Variants in INPP5B observed in about 807,000 individuals in gnomAD.
INPP5B encodes inositol polyphosphate-5-phosphatase B.
A neutral mutation model predicts 118.5 loss-of-function variants in INPP5B; 90 were observed. The ratio of observed to expected loss-of-function variants is 0.76; its 90% CI spans 0.64 to 0.90. INPP5B has a LOEUF of 0.90. INPP5B is among the 40% of genes least tolerant of loss of function. The pLI, the probability that INPP5B is intolerant of heterozygous loss-of-function variation, is 0.00. For synonymous variants in INPP5B, 385 were observed against 418.9 expected, an observed-to-expected ratio of 0.92 and a Z score of 0.99; for missense variants, 984 against 1,125.6, an observed-to-expected ratio of 0.87 and a Z score of 1.80.
chr1:37,937,665 G>A (rs1305365648), intron 6 of INPP5B, among the ~76,000 whole-genome samples: 6 of 151,982 alleles, frequency 3.9e-5, no homozygotes, highest in East Asian at 1.9e-4. Context: ...TACTCGGGAC[G>A]CTGAGGCAGG....
rs1317681560 is a variant in INPP5B, at chr1:37,874,063, G to C, written c.1881C>G (p.Asn627Lys). The change falls in exon 18 of 24, where the codon AAC becomes AAG. Residue 627 changes from asparagine (N) to lysine (K), a missense_variant. By Grantham distance (94) the Asn-to-Lys change is moderately conservative (BLOSUM62 0). This residue lies in a region of INPP5B where 634 missense variants were observed against 791.0 expected (regional missense o/e 0.80). Coordinates refer to ENST00000373024, the MANE Select transcript of INPP5B (RefSeq NM_005540.3). ...TACAGTAAGACTCTTCATCAGGCTT[G>C]TTGATGAATTCAAAATGACAGGGTA... The part of the protein sequence containing the change: ...GQVPCHFEFI[N>K]KPDEESYCKQ... 2 of 1,608,086 alleles carry C rather than the reference G, an allele frequency of 1.2e-6. No homozygotes were observed. The highest frequency in any genetic ancestry group is 1.7e-5 in the Admixed American group (1 of 59,910).
In INPP5B at chr1:37,891,383, C is replaced by G; in HGVS notation, c.604G>C (p.Asp202His). 6.2e-7 allele frequency: 1 copy of G among 1,614,078 alleles called. No individual in the cohort carries two copies. The highest frequency in any genetic ancestry group is 8.5e-7 in the Non-Finnish European group (1 of 1,179,944). Residue 202 changes from aspartate to histidine, a missense_variant, in exon 8 of 24, where the codon GAT (aspartate) becomes CAT (histidine). Physicochemically the swap from Asp to His is moderately conservative, Grantham distance 81. Around this residue, in one of 2 missense-constraint regions of INPP5B, gnomAD observed 350 missense variants for 334.6 expected, o/e 1.05. Transcript: ENST00000373024. ...CTTGGTTGCAAGCTTTCTGGTTTAT[C>G]TTGACCCCTGGAGCTTTGGTCCATA... Reference protein sequence around the residue: ...VPMDQSSRGQDKPESLQPRQN... With the variant: ...VPMDQSSRGQHKPESLQPRQN...
chr1:37,880,308 C>A, intron 14 of INPP5B, 114 bp from the exon 15 acceptor site: 1 of 736,722 alleles, frequency 1.4e-6, no homozygotes, highest in East Asian at 2.6e-5. Context: ...GGAAAAAGCC[C>A]CAAAAGAAAG....
Position 37,941,217 on chromosome 1 carries a change from C to T in INPP5B, c.281-419G>A, listed in dbSNP as rs1005647748. Among the ~76,000 whole-genome samples the T allele has an allele frequency of 4.6e-5, 7 of 152,102 alleles. No homozygotes were observed. In the East Asian group the frequency reaches 5.8e-4, roughly 13 times the overall value. On this transcript the variant is annotated intron_variant, in intron 5 of 23. Coordinates refer to ENST00000373024, the MANE Select transcript of INPP5B (RefSeq NM_005540.3). ...GGAATACCATGGTGAAGAGAATACA[C>T]GTGGGCCCGTCTCAGGGAGCTAGAC... is the stretch of plus-strand genomic sequence containing the variant.
chr1:37,913,346 T>A (rs1644764092), intron 7 of INPP5B, among the ~76,000 whole-genome samples: 1 of 151,852 alleles, frequency 6.6e-6, no homozygotes, highest in Admixed American at 6.6e-5. Context: ...TATGACAACA[T>A]AAAAAAACTC....
chr1:37,904,282 A>G (rs1444075393), intron 7 of INPP5B, among the ~76,000 whole-genome samples: 1 of 152,028 alleles, frequency 6.6e-6, no homozygotes, highest in East Asian at 1.9e-4. Context: ...CCGAGATCGC[A>G]CCACTGAGCT....
intron 16 of INPP5B, among the ~76,000 whole-genome samples, chr1:37,875,931 C>T (rs1301779207): frequency 3.3e-5 from 5 of 152,104 alleles, no homozygotes; most frequent in African/African-American, 1.2e-4. Flanking sequence ...TTCCTGATTA[C>T]CAGAAAAAAA....
intron 12 of INPP5B, among the ~76,000 whole-genome samples, chr1:37,886,274 A>T (rs1643530800): frequency 3.9e-5 from 1 of 25,358 alleles, no homozygotes; most frequent in Admixed American, 4.3e-4. Context: ...TGTACAGATT[A>T]AAAAAAAAAA....
chr1:37,920,012 C>T (rs1418978155), intron 7 of INPP5B, among the ~76,000 whole-genome samples: 1 of 152,166 alleles, frequency 6.6e-6, no homozygotes, highest in Non-Finnish European at 1.5e-5. Flanking sequence ...CTGTTTAAAT[C>T]ACTTTACATA....
chr1:37,889,686 C>T lies in INPP5B; in HGVS notation c.668G>A (p.Arg223His), dbSNP rs541690543. ...GTCCGACACTGTGATAGTGGAGGAG[C>T]GAACCATGTCAGTAATTTCGGACTT... ...KSKSEITDMVRSSTITVSDKA... is the reference protein window; with the variant it reads ...KSKSEITDMVHSSTITVSDKA... The change falls in exon 9 of 24, where the codon CGC (arginine) becomes CAC (histidine). Residue 223 changes from arginine (R) to histidine (H), a missense_variant. This residue lies in a region of INPP5B where 350 missense variants were observed against 334.6 expected (regional missense o/e 1.05). Coordinates refer to ENST00000373024, the MANE Select transcript of INPP5B (RefSeq NM_005540.3). 28 of 1,612,118 alleles carry T rather than the reference C, an allele frequency of 1.7e-5. No individual in the cohort carries two copies. Among genetic ancestry groups the T allele is most frequent in the African/African-American group, 1.1e-4 (8 of 74,912 alleles).
At chr1:37,897,932 C>T (rs1008071282) in intron 7 of INPP5B, among the ~76,000 whole-genome samples, 2 of 147,066 alleles carry the variant, frequency 1.4e-5, no homozygotes, top group African/African-American at 2.4e-5. Flanking sequence ...GGAGATCCCA[C>T]CTCTAAAAAA....
chr1:37,922,204 A>G (rs879477985), intron 7 of INPP5B, among the ~76,000 whole-genome samples: 14 of 152,148 alleles, frequency 9.2e-5, no homozygotes, highest in Admixed American at 9.2e-4. Context: ...TCTGTCTCAA[A>G]AAAATGAAAA....
intron 7 of INPP5B, chr1:37,931,692 A>G (rs1645471218): frequency 6.5e-7 from 1 of 1,530,886 alleles, no homozygotes; most frequent in Non-Finnish European, 8.8e-7. Context: ...TGCGCTCCCG[A>G]GAGCCGGCGG....
At chr1:37,918,006 T>C (rs1644933501) in intron 7 of INPP5B, among the ~76,000 whole-genome samples, 1 of 152,152 alleles carries the variant, frequency 6.6e-6, no homozygotes, top group Non-Finnish European at 1.5e-5. Flanking sequence ...GATTCTGGAC[T>C]CTTTCCCTGA....
Position 37,918,504 on chromosome 1 carries a change from G to C in INPP5B, c.532+13409C>G, listed in dbSNP as rs188003460. Among the ~76,000 whole-genome samples the C allele has an allele frequency of 2.1e-3, 312 of 152,158 alleles. 5 individuals carry two copies. The highest frequency in any genetic ancestry group is 1.9e-3 in the Non-Finnish European group (130 of 67,992). On this transcript the variant is annotated intron_variant, in intron 7 of 23. Coordinates refer to ENST00000373024, the MANE Select transcript of INPP5B (RefSeq NM_005540.3). ...CAACTCCCACCTCCTCCTTCATGAA[G>C]CCCTCCCCAGCCACATAAGTTCTCA...
At position 37,923,778 on chromosome 1, in the gene INPP5B, G is replaced by A. The variant is rs570271937; in HGVS notation, c.532+8135C>T. 5.8e-4 allele frequency among the ~76,000 whole-genome samples: 52 copies of A among 89,694 alleles called. No homozygotes were observed. The South Asian group carries it at 0.017, about 30-fold the overall frequency. The allele number at this position is 89,694 out of a possible 152,430, so 58.8% of individuals were successfully genotyped here. A position where few individuals can be genotyped will look rare whatever the true frequency, so the allele number is the denominator to read the frequency against. On this transcript the variant is annotated intron_variant, in intron 7 of 23. Coordinates refer to ENST00000373024, the MANE Select transcript of INPP5B (RefSeq NM_005540.3). The stretch of plus-strand genomic sequence containing the variant: ...TGGAGGGAGGAAAGGAGTAAGTGCA[G>A]TTCTTTTTTTTTTTTGAGATGGAGT...
chr1:37,862,747 G>T (rs138786253), intron 23 of INPP5B, among the ~76,000 whole-genome samples: 33 of 152,340 alleles, frequency 2.2e-4, no homozygotes, highest in African/African-American at 7.5e-4. Context: ...GGTATTATGA[G>T]CTGGGTGTGG....
chr1:37,890,173 G>A (rs1470078064), intron 8 of INPP5B, among the ~76,000 whole-genome samples: 14 of 152,084 alleles, frequency 9.2e-5, no homozygotes, highest in African/African-American at 3.1e-4. Flanking sequence ...CCAGGAGTTC[G>A]AGATCAGCCT....
intron 7 of INPP5B, 149 bp from the exon 8 acceptor site, chr1:37,891,603 C>T (rs967088745): frequency 1.3e-5 from 7 of 537,528 alleles, no homozygotes; most frequent in Non-Finnish European, 2.4e-5. Flanking sequence ...GGAGAAACCC[C>T]GTCTCTACTA....
Sources: gnomAD v4.1 joint callset for allele counts (sites outside exome capture counted in the v4.1 genomes callset) on GRCh38, gnomAD v4.1.1 for gene constraint, gnomAD v4.1.1 regional missense constraint, MANE v1.5 for transcripts, NCBI Gene and HGNC (gene_info 2026-07-23, HGNC 2026-07-21) for gene names.